ERBB4: variants seen among roughly 807,000 people sequenced by gnomAD.
ERBB4 encodes the protein receptor tyrosine-protein kinase erbB-4.
ERBB4 carries 42 observed loss-of-function variants against 158.0 expected under a neutral mutation model. That is an observed-to-expected ratio of 0.27 (90% confidence interval 0.21 to 0.34). The LOEUF (loss-of-function observed/expected upper bound fraction) is 0.34, where lower values mean the gene tolerates loss of function less well. Ranked by LOEUF, ERBB4 falls within the 10% of genes least tolerant of loss-of-function variation. The pLI is 1.00. For missense variants in ERBB4, 1,333 were observed against 1,624.1 expected (o/e 0.82, Z 3.08); for synonymous variants, 583 against 558.7 (o/e 1.04, Z -0.61).
intron 2 of ERBB4, among the ~76,000 whole-genome samples, chr2:212,081,632 C>T (rs1188826455): frequency 6.6e-6 from 1 of 152,102 alleles, no homozygotes; most frequent in East Asian, 1.9e-4. Context: ...TAGGTTCTTC[C>T]AAAAGCCACA....
chr2:211,420,731 T>TA (rs1343368276), intron 24 of ERBB4, 120 bp from the exon 25 acceptor site: 1 of 904,608 alleles, frequency 1.1e-6, no homozygotes, highest in Non-Finnish European at 1.7e-6. Flanking sequence ...ACACACATTT[T>TA]AAAAAAACAA....
At chr2:212,354,007 T>C (rs1168832666) in intron 1 of ERBB4, among the ~76,000 whole-genome samples, 1 of 152,132 alleles carries the variant, frequency 6.6e-6, no homozygotes, top group Non-Finnish European at 1.5e-5. Context: ...AACATTTCAA[T>C]GAGTGAAAAA....
chr2:212,024,933 T>C (rs1009049902), intron 2 of ERBB4, among the ~76,000 whole-genome samples: 1 of 151,858 alleles, frequency 6.6e-6, no homozygotes, highest in Admixed American at 6.6e-5. Context: ...ATGTGTGATA[T>C]TCAGCAAATT....
chr2:211,772,387 G>A (rs1049134649), intron 4 of ERBB4, among the ~76,000 whole-genome samples: 5 of 152,080 alleles, frequency 3.3e-5, no homozygotes, highest in African/African-American at 9.7e-5. Context: ...TCTGTGTGGA[G>A]TGTTTCCTAA....
intron 1 of ERBB4, among the ~76,000 whole-genome samples, chr2:212,446,591 G>GTATATATATGTA (rs2092355809): frequency 3.6e-5 from 1 of 27,518 alleles, no homozygotes; most frequent in Non-Finnish European, 5.9e-5. Flanking sequence ...ATATATATAT[G>GTATATATATGTA]TATATATATA....
At chr2:212,127,522 G>A (rs1387447827) in intron 1 of ERBB4, among the ~76,000 whole-genome samples, 3 of 152,138 alleles carry the variant, frequency 2.0e-5, no homozygotes, top group African/African-American at 7.2e-5. Flanking sequence ...AACCCGGGAG[G>A]TGGAGCTTGC....
chr2:211,705,083 A>G (rs1264938966), intron 10 of ERBB4, among the ~76,000 whole-genome samples: 1 of 151,972 alleles, frequency 6.6e-6, no homozygotes, highest in African/African-American at 2.4e-5. Context: ...CAGCCTCCTG[A>G]GCAGCTGGGA....
At chr2:212,078,954 AT>A (rs1429312200) in intron 2 of ERBB4, among the ~76,000 whole-genome samples, 1 of 150,892 alleles carries the variant, frequency 6.6e-6, no homozygotes, top group African/African-American at 2.4e-5. Flanking sequence ...TTAATAACTT[AT>A]TTTTTCACTT....
chr2:211,519,681 G>GA (rs908172564), intron 20 of ERBB4, among the ~76,000 whole-genome samples: 30 of 151,412 alleles, frequency 2.0e-4, no homozygotes, highest in African/African-American at 6.3e-4. Flanking sequence ...AAGAAAAAAA[G>GA]AAAAAAAACA....
chr2:212,506,683 A>C (rs1691213655), intron 1 of ERBB4, among the ~76,000 whole-genome samples: 1 of 152,168 alleles, frequency 6.6e-6, no homozygotes, highest in Non-Finnish European at 1.5e-5. Context: ...GAAGGCTGAG[A>C]GAGGTGAGGC....
rs17335043 is a variant in ERBB4, at chr2:211,561,741, A to C, written c.2487+162T>G. On this transcript the variant is annotated intron_variant, in intron 20 of 27. Transcript: ENST00000342788. ...AATATATATCACGCATTTAATCTGT[A>C]GTTTACCTAAAAGTACCTCTCTGTT... 0.12 allele frequency: 79,731 copies of C among 681,610 alleles called. 5,471 individuals are homozygous for C. The highest frequency in any genetic ancestry group is 0.14 in the Non-Finnish European group (54,130 of 382,734). 42.2% of individuals were successfully genotyped at this position (681,610 alleles called of 1,614,324 possible). A position where few individuals can be genotyped will look rare whatever the true frequency, so the allele number is the denominator to read the frequency against.
At chr2:211,844,253 AG>A (rs1294427573) in intron 3 of ERBB4, among the ~76,000 whole-genome samples, 3 of 152,160 alleles carry the variant, frequency 2.0e-5, no homozygotes, top group Admixed American at 2.0e-4. Context: ...CATTTTTAAA[AG>A]TAAGTTGATT....
chr2:211,634,862 G>A (rs529572344), intron 16 of ERBB4, among the ~76,000 whole-genome samples: 7 of 152,130 alleles, frequency 4.6e-5, no homozygotes, highest in African/African-American at 1.7e-4. Flanking sequence ...AATTTTAGTA[G>A]AGATGGGGTT....
intron 19 of ERBB4, among the ~76,000 whole-genome samples, chr2:211,587,937 CAA>C (rs2068336767): frequency 6.6e-6 from 1 of 152,066 alleles, no homozygotes; most frequent in African/African-American, 2.4e-5. Flanking sequence ...TTTGTAATAA[CAA>C]AAGTTTAGAA....
intron 1 of ERBB4, among the ~76,000 whole-genome samples, chr2:212,427,361 A>G (rs183361528): frequency 6.6e-6 from 1 of 152,276 alleles, no homozygotes; most frequent in East Asian, 1.9e-4. Flanking sequence ...TGGACTTAAG[A>G]AAACCAAGAC....
intron 1 of ERBB4, among the ~76,000 whole-genome samples, chr2:212,217,111 T>G (rs75130093): frequency 0.013 from 1,997 of 151,518 alleles, 33 homozygotes; most frequent in African/African-American, 0.045. Context: ...AAGATAATTT[T>G]ATTATTAGCT....
At chr2:211,740,054 A>G (rs959011421) in intron 5 of ERBB4, among the ~76,000 whole-genome samples, 2 of 152,172 alleles carry the variant, frequency 1.3e-5, no homozygotes, top group Admixed American at 6.5e-5. Context: ...TTTCTAGTCA[A>G]TGAAATTACA....
chr2:212,266,114 CCTATT>C (rs2085126851), intron 1 of ERBB4, among the ~76,000 whole-genome samples: 1 of 151,838 alleles, frequency 6.6e-6, no homozygotes. Flanking sequence ...GCCCCCCTCT[CCTATT>C]CTGTGTCTCC....
At chr2:211,579,837 G>T (rs2068014231) in intron 19 of ERBB4, among the ~76,000 whole-genome samples, 1 of 152,040 alleles carries the variant, frequency 6.6e-6, no homozygotes, top group African/African-American at 2.4e-5. Flanking sequence ...AGGAAAAATA[G>T]CTAATGCATG....
Sources: allele counts gnomAD v4.1 joint callset (sites outside exome capture counted in the v4.1 genomes callset), GRCh38; gene constraint gnomAD v4.1.1; transcripts MANE v1.5; gene names NCBI Gene and HGNC (gene_info 2026-07-23, HGNC 2026-07-21).